Variants in TMEM74 observed in about 807,000 individuals in gnomAD.
TMEM74 encodes the protein transmembrane protein 74.
A neutral mutation model predicts 18.1 loss-of-function variants in TMEM74; 13 were observed. That is an observed-to-expected ratio of 0.72 (90% CI 0.47 to 1.14). The LOEUF (loss-of-function observed/expected upper bound fraction) is 1.14, where lower values mean the gene tolerates loss of function less well. Ranked by LOEUF, TMEM74 falls within the 50% of genes most tolerant of loss-of-function variation. The pLI, the probability that TMEM74 is intolerant of heterozygous loss-of-function variation, is 0.00. For synonymous variants in TMEM74, 159 were observed against 146.6 expected (o/e 1.08, Z -0.61); for missense variants, 372 against 375.9 (o/e 0.99, Z 0.09).
chr8:108,673,462 C>T lies in TMEM74; in HGVS notation n.120-18025G>A, dbSNP rs116825582. 3.8e-3 allele frequency among the ~76,000 whole-genome samples: 580 copies of T among 152,248 alleles called. 4 individuals carry two copies. Among genetic ancestry groups the T allele is most frequent in the African/African-American group, 0.013 (552 of 41,528 alleles). On this transcript the variant is annotated intron_variant and non_coding_transcript_variant, in intron 1 of 3. Coordinates refer to the TMEM74 transcript ENST00000518838. ...ATGAGGGGAATATTTTGAGCCCAGG[C>T]TCTAACTAGGAAGTGAATCTTCAGG...
At chr8:108,618,901 C>T (rs1038891869) in intron 2 of TMEM74, among the ~76,000 whole-genome samples, 1 of 152,124 alleles carries the variant, frequency 6.6e-6, no homozygotes, top group East Asian at 1.9e-4. Flanking sequence ...AGCATCATTG[C>T]CCAGTACTTG....
At chr8:108,751,294 G>A (rs548281316) in intron 1 of TMEM74, among the ~76,000 whole-genome samples, 14 of 152,194 alleles carry the variant, frequency 9.2e-5, no homozygotes, top group Admixed American at 7.9e-4. Flanking sequence ...GGGAGAGGCC[G>A]AGGTCCAGTA....
intron 2 of TMEM74, among the ~76,000 whole-genome samples, chr8:108,616,520 G>T (rs1812385514): frequency 1.3e-5 from 2 of 151,916 alleles, no homozygotes; most frequent in South Asian, 4.1e-4. Context: ...TTTTAAATAG[G>T]CAATTCTGAT....
intron 1 of TMEM74, among the ~76,000 whole-genome samples, chr8:108,661,107 A>T (rs1358979415): frequency 3.3e-5 from 5 of 152,146 alleles, no homozygotes; most frequent in Non-Finnish European, 2.9e-5. Flanking sequence ...CCTCTGTAGC[A>T]TTTTCATTTG....
At chr8:108,645,106 G>A (rs1263548520) in intron 2 of TMEM74, among the ~76,000 whole-genome samples, 4 of 151,970 alleles carry the variant, frequency 2.6e-5, no homozygotes, top group Non-Finnish European at 5.9e-5. Flanking sequence ...ATCAACCTAG[G>A]TGCCCATCAA....
At chr8:108,674,552 A>G (rs1813034418) in intron 1 of TMEM74, among the ~76,000 whole-genome samples, 1 of 152,236 alleles carries the variant, frequency 6.6e-6, no homozygotes, top group Non-Finnish European at 1.5e-5. Flanking sequence ...AGCCTCATGT[A>G]TTACTCCATG....
At chr8:108,671,516 G>A (rs1015955685) in intron 1 of TMEM74, among the ~76,000 whole-genome samples, 1 of 152,088 alleles carries the variant, frequency 6.6e-6, no homozygotes, top group African/African-American at 2.4e-5. Context: ...GTGTTAAGAG[G>A]GTTTTCACAA....
chr8:108,644,133 C>T (rs1177881737), intron 2 of TMEM74, among the ~76,000 whole-genome samples: 1 of 151,976 alleles, frequency 6.6e-6, no homozygotes, highest in Non-Finnish European at 1.5e-5. Flanking sequence ...GAAACAGTAC[C>T]GTATTGGTAT....
At chr8:108,671,221 GT>G (rs1813001960) in intron 1 of TMEM74, among the ~76,000 whole-genome samples, 1 of 152,160 alleles carries the variant, frequency 6.6e-6, no homozygotes, top group African/African-American at 2.4e-5. Flanking sequence ...TTATCCAACT[GT>G]TTTTATAAGG....
At chr8:108,711,660 G>A (rs891982009) in intron 1 of TMEM74, among the ~76,000 whole-genome samples, 2 of 152,176 alleles carry the variant, frequency 1.3e-5, no homozygotes, top group African/African-American at 4.8e-5. Flanking sequence ...CCACTGGGGA[G>A]TCCTTGAGTC....
intron 2 of TMEM74, among the ~76,000 whole-genome samples, chr8:108,654,263 G>A (rs1812800764): frequency 6.6e-6 from 1 of 152,094 alleles, no homozygotes; most frequent in Admixed American, 6.6e-5. Context: ...TTAAATCTTA[G>A]GTCTGCTACT....
chr8:108,711,477 C>G (rs981623560), intron 1 of TMEM74, among the ~76,000 whole-genome samples: 4 of 152,320 alleles, frequency 2.6e-5, no homozygotes, highest in South Asian at 2.1e-4. Flanking sequence ...CCTCTACAAC[C>G]TTTTCTTCTC....
chr8:108,657,859 AATATATATAT>A lies in TMEM74; in HGVS notation n.120-2432_120-2423del, dbSNP rs1175396487. Among the ~76,000 whole-genome samples, 121 of 49,858 alleles carry A rather than the reference AATATATATAT, an allele frequency of 2.4e-3. 4 individuals are homozygous for A. The highest frequency in any genetic ancestry group is 0.012 in the East Asian group (18 of 1,466). 32.7% of individuals were successfully genotyped at this position (49,858 alleles called of 152,430 possible). On this transcript the variant is annotated intron_variant and non_coding_transcript_variant, in intron 1 of 3. Transcript: ENST00000518838. ...CACCGTCTCAAAAAAAAAAAAAAAAAATATATATATATATATATATATATATATATATATA... is the reference window on the plus strand; with the variant it reads ...CACCGTCTCAAAAAAAAAAAAAAAAAATATATATATATATATATATATATA...
intron 1 of TMEM74, among the ~76,000 whole-genome samples, chr8:108,737,170 A>G (rs1813756735): frequency 6.6e-6 from 1 of 152,134 alleles, no homozygotes; most frequent in Non-Finnish European, 1.5e-5. Flanking sequence ...TGGCTCTGCT[A>G]CTTATTATGT....
intron 1 of TMEM74, among the ~76,000 whole-genome samples, chr8:108,731,549 A>T (rs913698173): frequency 6.6e-6 from 1 of 152,142 alleles, no homozygotes; most frequent in African/African-American, 2.4e-5. Context: ...ACACTAAATT[A>T]CTGGGAGGAT....
rs1812517506 is a variant in TMEM74, at chr8:108,628,400, T to C, written n.265-19574A>G. Among the ~76,000 whole-genome samples the C allele has an allele frequency of 2.0e-5, 3 of 152,032 alleles. No individual in the cohort carries two copies. In the South Asian group the frequency reaches 6.2e-4, roughly 31 times the overall value. ...CTAAGTGTCCTGTAATTGAATTCAA[T>C]TTTGATACTATCTACCTGGGGTTAG... On this transcript the variant is annotated intron_variant and non_coding_transcript_variant, in intron 2 of 3. Transcript: ENST00000518838.
downstream of TMEM74, among the ~76,000 whole-genome samples, chr8:108,778,938 T>C (rs1337314630): frequency 1.3e-5 from 2 of 152,154 alleles, no homozygotes; most frequent in East Asian, 1.9e-4. Context: ...CTACATTATA[T>C]AGTGAAATGG....
chr8:108,721,062 C>A (rs1442077092), intron 1 of TMEM74, among the ~76,000 whole-genome samples: 1 of 152,190 alleles, frequency 6.6e-6, no homozygotes. Context: ...AGCCACCGTG[C>A]CTGGCCAAGA....
intron 1 of TMEM74, among the ~76,000 whole-genome samples, chr8:108,711,799 G>C (rs1361574108): frequency 6.6e-6 from 1 of 152,140 alleles, no homozygotes; most frequent in Non-Finnish European, 1.5e-5. Flanking sequence ...TACTAACAGA[G>C]AGACTATAAT....
Sources: gnomAD v4.1 joint callset for allele counts (sites outside exome capture counted in the v4.1 genomes callset) on GRCh38, gnomAD v4.1.1 for gene constraint, MANE v1.5 for transcripts, NCBI Gene and HGNC (gene_info 2026-07-23, HGNC 2026-07-21) for gene names.